DHRSX: variants seen among roughly 807,000 people sequenced by gnomAD.
The protein encoded by DHRSX is dehydrogenase/reductase X-linked.
In DHRSX, 31 loss-of-function variants were observed where a neutral mutation model predicts 34.0. That is an observed-to-expected ratio of 0.91 (90% CI 0.69 to 1.23). The LOEUF (loss-of-function observed/expected upper bound fraction) is 1.23. Ranked by LOEUF, DHRSX falls within the 50% of genes most tolerant of loss-of-function variation. The pLI is 0.00. For synonymous variants in DHRSX, 201 were observed against 183.8 expected (o/e 1.09, Z -0.76); for missense variants, 414 against 428.1 (o/e 0.97, Z 0.29).
chrX:2,322,129 C>T (rs1467454512), intron 3 of DHRSX, among the ~76,000 whole-genome samples: 7 of 144,554 alleles, frequency 4.8e-5, no homozygotes, highest in Non-Finnish European at 9.1e-5. Context: ...CCCTCCCACT[C>T]TTCCCCCCCA....
intron 3 of DHRSX, among the ~76,000 whole-genome samples, chrX:2,400,475 A>T (rs772058436): frequency 6.6e-6 from 1 of 152,268 alleles, no homozygotes; most frequent in African/African-American, 2.4e-5. Context: ...AGACTCTTGC[A>T]TGTCATCATG....
At chrX:2,356,878 C>T (rs1471181059) in intron 3 of DHRSX, among the ~76,000 whole-genome samples, 5 of 152,108 alleles carry the variant, frequency 3.3e-5, no homozygotes, top group Non-Finnish European at 4.4e-5. Context: ...ATGAGTGAAT[C>T]ACCTGTTTAT....
At chrX:2,294,724 C>G (rs2041909865) in intron 3 of DHRSX, among the ~76,000 whole-genome samples, 1 of 139,856 alleles carries the variant, frequency 7.2e-6, no homozygotes, top group Non-Finnish European at 1.5e-5. Flanking sequence ...CACTGAGAGA[C>G]AGAGAGAAAT....
intron 5 of DHRSX, among the ~76,000 whole-genome samples, chrX:2,259,203 G>A (rs2041320800): frequency 6.6e-6 from 1 of 151,688 alleles, no homozygotes; most frequent in African/African-American, 2.4e-5. Flanking sequence ...AACCCAGGAG[G>A]TAGAGGTTGC....
chrX:2,449,474 T>C (rs1040252349), intron 1 of DHRSX, among the ~76,000 whole-genome samples: 16 of 152,212 alleles, frequency 1.1e-4, no homozygotes, highest in African/African-American at 3.6e-4. Context: ...GATTTTCATA[T>C]TGAAATTTCC....
chrX:2,263,417 G>A (rs773882459), intron 5 of DHRSX, among the ~76,000 whole-genome samples: 4 of 152,158 alleles, frequency 2.6e-5, no homozygotes, highest in South Asian at 2.1e-4. Context: ...CTCGCCAGAC[G>A]CTGGCACACT....
chrX:2,472,475 C>G (rs192861465), intron 1 of DHRSX, among the ~76,000 whole-genome samples: 1 of 151,994 alleles, frequency 6.6e-6, no homozygotes, highest in Admixed American at 6.6e-5. Flanking sequence ...TGCCCCTGAA[C>G]CTGAAAGTTT....
chrX:2,264,002 G>A (rs1429156385), intron 5 of DHRSX, among the ~76,000 whole-genome samples: 1 of 152,146 alleles, frequency 6.6e-6, no homozygotes, highest in Non-Finnish European at 1.5e-5. Flanking sequence ...ATTCCCATGG[G>A]GGCACAAGAG....
At chrX:2,244,857 G>A (rs530834797) in intron 5 of DHRSX, among the ~76,000 whole-genome samples, 46 of 151,792 alleles carry the variant, frequency 3.0e-4, no homozygotes, top group African/African-American at 1.0e-3. Context: ...GACTATAGGC[G>A]CCTGCCACCT....
At chrX:2,456,627 A>AC (rs910221735) in intron 1 of DHRSX, among the ~76,000 whole-genome samples, 9 of 151,502 alleles carry the variant, frequency 5.9e-5, no homozygotes, top group Non-Finnish European at 1.3e-4. Flanking sequence ...AAAAAAAAAA[A>AC]AAAACAGCTG....
chrX:2,485,439 CTG>C (rs1276482001), intron 1 of DHRSX, among the ~76,000 whole-genome samples: 1 of 146,706 alleles, frequency 6.8e-6, no homozygotes, highest in Non-Finnish European at 1.5e-5. Context: ...CCCGGCCTTC[CTG>C]TGTTTCTTGG....
intron 3 of DHRSX, among the ~76,000 whole-genome samples, chrX:2,342,126 T>G (rs918806662): frequency 6.6e-6 from 1 of 152,092 alleles, no homozygotes; most frequent in African/African-American, 2.4e-5. Context: ...CTTTTGTTTG[T>G]GGGCGTGAAG....
At chrX:2,314,939 C>T (rs185037189) in intron 3 of DHRSX, among the ~76,000 whole-genome samples, 8 of 152,188 alleles carry the variant, frequency 5.3e-5, no homozygotes, top group African/African-American at 1.9e-4. Context: ...GAGGGAATCA[C>T]CTGAGGTCGG....
intron 3 of DHRSX, among the ~76,000 whole-genome samples, chrX:2,404,077 G>C (rs1407539039): frequency 6.6e-6 from 1 of 152,140 alleles, no homozygotes; most frequent in African/African-American, 2.4e-5. Context: ...TCACTTGTCA[G>C]TTTCCAGAAA....
intron 5 of DHRSX, among the ~76,000 whole-genome samples, chrX:2,248,899 C>T (rs1028699137): frequency 9.2e-5 from 14 of 152,312 alleles, no homozygotes; most frequent in South Asian, 4.1e-4. Context: ...TAAAAATAGA[C>T]GGTTTCCCCT....
chrX:2,464,973 TGGGGCTAAG>T (rs1395153417), intron 1 of DHRSX, among the ~76,000 whole-genome samples: 1 of 151,190 alleles, frequency 6.6e-6, no homozygotes, highest in Non-Finnish European at 1.5e-5. Context: ...TCCCTAAGAA[TGGGGCTAAG>T]GGACCCCCGC....
intron 3 of DHRSX, among the ~76,000 whole-genome samples, chrX:2,391,556 G>C (rs1400447203): frequency 6.6e-6 from 1 of 152,132 alleles, no homozygotes; most frequent in Non-Finnish European, 1.5e-5. Flanking sequence ...AAGTAAGAGA[G>C]GAATATAGAA....
chrX:2,488,420 C>T, intron 1 of DHRSX: 1 of 575,512 alleles, frequency 1.7e-6, no homozygotes, highest in Non-Finnish European at 2.9e-6. Context: ...GCTGATCTGC[C>T]CACCTCGGCC....
At chrX:2,276,909 T>G (rs1230055811) in intron 4 of DHRSX, among the ~76,000 whole-genome samples, 21 of 9,364 alleles carry the variant, frequency 2.2e-3, no homozygotes, top group South Asian at 5.2e-3. Flanking sequence ...GAAAGAGAGA[T>G]GGAGAGGGAA....
Sources: allele counts gnomAD v4.1 joint callset (sites outside exome capture counted in the v4.1 genomes callset), GRCh38; gene constraint gnomAD v4.1.1; transcripts MANE v1.5; gene names NCBI Gene and HGNC (gene_info 2026-07-23, HGNC 2026-07-21).